WDFY3: variants seen among roughly 807,000 people sequenced by gnomAD.
WDFY3 encodes the protein WD repeat and FYVE domain containing 3.
WDFY3 carries 66 observed loss-of-function variants against 409.6 expected under a neutral mutation model. The ratio of observed to expected loss-of-function variants is 0.16; its 90% CI spans 0.13 to 0.20. WDFY3 has a LOEUF of 0.20. Among genes scored for constraint, WDFY3 ranks in the 10% least tolerant of loss-of-function variants. The pLI, the probability that WDFY3 is intolerant of heterozygous loss-of-function variation, is 1.00. For missense variants in WDFY3, 3,031 were observed against 4,298.1 expected (o/e 0.71, Z 8.24); for synonymous variants, 1,521 against 1,537.1 (o/e 0.99, Z 0.25).
At chr4:84,784,560 G>A (rs561071458) in intron 24 of WDFY3, among the ~76,000 whole-genome samples, 7 of 151,960 alleles carry the variant, frequency 4.6e-5, no homozygotes, top group South Asian at 2.1e-4. Flanking sequence ...ACCTTGAGCC[G>A]GGTGGGATGG....
chr4:84,799,426 C>T (rs187270366), intron 17 of WDFY3, among the ~76,000 whole-genome samples: 1 of 151,866 alleles, frequency 6.6e-6, no homozygotes, highest in East Asian at 1.9e-4. Flanking sequence ...CCTGCGTTGG[C>T]CTCCCAAAGT....
At chr4:84,835,375 T>G (rs1756428849) in intron 7 of WDFY3, among the ~76,000 whole-genome samples, 1 of 152,190 alleles carries the variant, frequency 6.6e-6, no homozygotes, top group African/African-American at 2.4e-5. Context: ...ACTCCTTCAT[T>G]TATTCCCATT....
At chr4:84,780,336 C>T in intron 25 of WDFY3, 38 bp from the exon 26 acceptor site, 1 of 1,568,540 alleles carries the variant, frequency 6.4e-7, no homozygotes. Flanking sequence ...AAGATAAATT[C>T]CCCATGTGAA....
chr4:84,931,319 A>G (rs1205292147), intron 2 of WDFY3, among the ~76,000 whole-genome samples: 1 of 152,220 alleles, frequency 6.6e-6, no homozygotes, highest in Non-Finnish European at 1.5e-5. Flanking sequence ...GCCCTAAGCC[A>G]CAATTTGTCT....
intron 3 of WDFY3, chr4:84,886,461 T>A (rs1764240077): frequency 6.6e-6 from 1 of 152,158 alleles, no homozygotes; most frequent in Non-Finnish European, 1.5e-5. Flanking sequence ...GTGCTGCGAA[T>A]GTGAGCACAA....
At chr4:84,740,114 A>G in intron 39 of WDFY3, 73 bp downstream of exon 39, 1 of 1,478,826 alleles carries the variant, frequency 6.8e-7, no homozygotes, top group Non-Finnish European at 9.4e-7. Context: ...TTACTATCAA[A>G]AAAAATAAAG....
chr4:84,922,169 T>C (rs895966994), intron 2 of WDFY3, among the ~76,000 whole-genome samples: 5 of 152,118 alleles, frequency 3.3e-5, no homozygotes, highest in Non-Finnish European at 5.9e-5. Context: ...ACTTTTATGT[T>C]GAATGTCAAG....
chr4:84,709,579 G>C (rs910389968), intron 51 of WDFY3, among the ~76,000 whole-genome samples: 6 of 152,138 alleles, frequency 3.9e-5, no homozygotes, highest in African/African-American at 1.4e-4. Context: ...CATATAGTAA[G>C]AAAAAGTATT....
At chr4:84,872,588 G>C (rs1762271496) in intron 3 of WDFY3, among the ~76,000 whole-genome samples, 1 of 151,886 alleles carries the variant, frequency 6.6e-6, no homozygotes, top group Non-Finnish European at 1.5e-5. Context: ...GCAACAAATA[G>C]AACACAGTTA....
At chr4:84,964,830 A>G (rs1156235324) in intron 1 of WDFY3, among the ~76,000 whole-genome samples, 2 of 152,192 alleles carry the variant, frequency 1.3e-5, no homozygotes, top group African/African-American at 4.8e-5. Flanking sequence ...CCAAAAGCAT[A>G]CATATATTTC....
chr4:84,797,741 C>T (rs1239703290), intron 18 of WDFY3, among the ~76,000 whole-genome samples: 2 of 151,792 alleles, frequency 1.3e-5, no homozygotes, highest in African/African-American at 2.4e-5. Flanking sequence ...CCACTGCGCC[C>T]GGCTAATTTT....
intron 9 of WDFY3, among the ~76,000 whole-genome samples, chr4:84,827,186 TA>T (rs549183648): frequency 1.1e-3 from 152 of 142,764 alleles, no homozygotes; most frequent in East Asian, 1.2e-3. Context: ...AAATACCCTT[TA>T]AAAAAAAAAA....
chr4:84,956,949 C>T (rs1774307544), intron 1 of WDFY3, among the ~76,000 whole-genome samples: 1 of 147,802 alleles, frequency 6.8e-6, no homozygotes, highest in African/African-American at 2.5e-5. Flanking sequence ...TATACTAATA[C>T]ATGAATAGAA....
At chr4:84,885,762 C>T (rs1764134965) in intron 3 of WDFY3, among the ~76,000 whole-genome samples, 2 of 152,180 alleles carry the variant, frequency 1.3e-5, no homozygotes, top group Non-Finnish European at 2.9e-5. Context: ...CTGGAAAATG[C>T]TGTGTCCTTA....
At chr4:84,791,633 C>T (rs1748546410) in intron 21 of WDFY3, among the ~76,000 whole-genome samples, 1 of 152,120 alleles carries the variant, frequency 6.6e-6, no homozygotes, top group Non-Finnish European at 1.5e-5. Context: ...TTGCTATATG[C>T]TATGCTCAAC....
chr4:84,763,779 A>G (rs540902698), intron 32 of WDFY3, among the ~76,000 whole-genome samples: 22 of 152,320 alleles, frequency 1.4e-4, no homozygotes, highest in South Asian at 6.2e-4. Context: ...ACCTAGATAT[A>G]GGAGCAGCAT....
chr4:84,892,886 T>C (rs919149537), intron 3 of WDFY3, among the ~76,000 whole-genome samples: 2 of 152,200 alleles, frequency 1.3e-5, no homozygotes, highest in Admixed American at 1.3e-4. Flanking sequence ...GTATGCATAG[T>C]CAAGGAATGT....
intron 2 of WDFY3, among the ~76,000 whole-genome samples, chr4:84,910,678 C>CA (rs1000626299): frequency 3.3e-5 from 5 of 151,254 alleles, no homozygotes; most frequent in Admixed American, 1.3e-4. Flanking sequence ...AAGTTCTTAC[C>CA]AAAAAAAATG....
At chr4:84,826,094 A>G (rs1251406062) in intron 10 of WDFY3, among the ~76,000 whole-genome samples, 1 of 152,130 alleles carries the variant, frequency 6.6e-6, no homozygotes, top group African/African-American at 2.4e-5. Context: ...GTTATACTTC[A>G]TGCTGTCCAT....
Sources: allele counts gnomAD v4.1 joint callset (sites outside exome capture counted in the v4.1 genomes callset), GRCh38; gene constraint gnomAD v4.1.1; transcripts MANE v1.5; gene names NCBI Gene and HGNC (gene_info 2026-07-23, HGNC 2026-07-21).